The following NXPH1 variants were observed in gnomAD, a reference collection of about 807,000 sequenced individuals.
The protein encoded by NXPH1 is neurexophilin 1.
In NXPH1, 5 loss-of-function variants were observed where a neutral mutation model predicts 23.7. The observed-to-expected ratio is 0.21, with a 90% CI of 0.11 to 0.44. The LOEUF (loss-of-function observed/expected upper bound fraction) is 0.44. Among genes scored for constraint, NXPH1 ranks in the 20% least tolerant of loss-of-function variants. The pLI, the probability that NXPH1 is intolerant of heterozygous loss-of-function variation, is 0.99. For missense variants in NXPH1, 324 were observed against 321.6 expected (o/e 1.01, Z -0.06); for synonymous variants, 144 against 122.2 (o/e 1.18, Z -1.18).
intron 2 of NXPH1, among the ~76,000 whole-genome samples, chr7:8,695,602 A>C (rs1433394669): frequency 1.3e-5 from 2 of 152,126 alleles, no homozygotes; most frequent in African/African-American, 4.8e-5. Flanking sequence ...GATATGAACC[A>C]TTTCAGCCTT....
intron 2 of NXPH1, among the ~76,000 whole-genome samples, chr7:8,551,124 T>C (rs10277720): frequency 0.029 from 4,395 of 151,582 alleles, 185 homozygotes; most frequent in African/African-American, 0.099. Flanking sequence ...GTCTGTCTCA[T>C]GAGATCCTCA....
intron 2 of NXPH1, among the ~76,000 whole-genome samples, chr7:8,466,645 G>A (rs1238069357): frequency 1.3e-5 from 2 of 152,104 alleles, no homozygotes; most frequent in Non-Finnish European, 2.9e-5. Flanking sequence ...ATGGTGTGGG[G>A]AAAATCCTTT....
chr7:8,709,669 A>G (rs539475134), intron 2 of NXPH1, among the ~76,000 whole-genome samples: 2 of 152,352 alleles, frequency 1.3e-5, no homozygotes, highest in African/African-American at 4.8e-5. Context: ...CTAAATCAGA[A>G]CATTCACTTC....
In NXPH1 at chr7:8,750,993, C is replaced by G; in HGVS notation, c.55-15C>G. On this transcript the variant is annotated splice_polypyrimidine_tract_variant and intron_variant, in intron 2 of 2. Transcript: ENST00000405863. ...ATGCAGAGATGTAAATGCCATTTTT[C>G]TCTTCTGTTTTCAGGTCACATGTGC... The G allele has an allele frequency of 6.2e-7, 1 of 1,610,616 alleles. No individual in the cohort carries two copies. The highest frequency in any genetic ancestry group is 8.5e-7 in the Non-Finnish European group (1 of 1,177,688).
intron 2 of NXPH1, among the ~76,000 whole-genome samples, chr7:8,567,727 G>A (rs1463152341): frequency 6.6e-6 from 1 of 151,870 alleles, no homozygotes; most frequent in African/African-American, 2.4e-5. Context: ...TCTGAGGTTA[G>A]TTTCCTGCTA....
At chr7:8,540,148 A>G (rs1017692433) in intron 2 of NXPH1, among the ~76,000 whole-genome samples, 9 of 151,960 alleles carry the variant, frequency 5.9e-5, no homozygotes, top group Admixed American at 3.3e-4. Flanking sequence ...GGGAAGATCA[A>G]TGACAATCAC....
intron 2 of NXPH1, among the ~76,000 whole-genome samples, chr7:8,635,680 T>G: frequency 6.6e-6 from 1 of 152,172 alleles, no homozygotes; most frequent in Non-Finnish European, 1.5e-5. Flanking sequence ...TAAAAAGAAA[T>G]GTAATAACAG....
chr7:8,538,412 C>T (rs779867772), intron 2 of NXPH1, among the ~76,000 whole-genome samples: 7 of 151,774 alleles, frequency 4.6e-5, no homozygotes, highest in Non-Finnish European at 8.8e-5. Context: ...AGGATAAAAC[C>T]TGGGTTTCAA....
chr7:8,740,513 A>G (rs140107620), intron 2 of NXPH1, among the ~76,000 whole-genome samples: 1 of 152,318 alleles, frequency 6.6e-6, no homozygotes, highest in East Asian at 1.9e-4. Flanking sequence ...CAGGATTTGC[A>G]TTTAGACCTA....
intron 2 of NXPH1, among the ~76,000 whole-genome samples, chr7:8,736,452 T>A (rs1033033014): frequency 5.9e-5 from 9 of 152,256 alleles, no homozygotes; most frequent in Non-Finnish European, 1.2e-4. Context: ...AATGAGTTTC[T>A]TAATCTTGAG....
intron 2 of NXPH1, among the ~76,000 whole-genome samples, chr7:8,566,929 T>G (rs533380313): frequency 1.3e-3 from 190 of 151,942 alleles, no homozygotes; most frequent in African/African-American, 4.2e-3. Flanking sequence ...GAAATCATCA[T>G]TTACTCAAAT....
At chr7:8,455,120 C>G (rs898456211) in intron 2 of NXPH1, among the ~76,000 whole-genome samples, 1 of 151,976 alleles carries the variant, frequency 6.6e-6, no homozygotes, top group East Asian at 1.9e-4. Flanking sequence ...AATCGTATGC[C>G]ACGCCATTAT....
chr7:8,717,844 A>C (rs1779901357), intron 2 of NXPH1, among the ~76,000 whole-genome samples: 1 of 151,786 alleles, frequency 6.6e-6, no homozygotes, highest in South Asian at 2.1e-4. Context: ...AATAAATATT[A>C]AACTTTAAAA....
intron 2 of NXPH1, among the ~76,000 whole-genome samples, chr7:8,451,543 C>A (rs1275055302): frequency 6.6e-6 from 1 of 152,180 alleles, no homozygotes; most frequent in African/African-American, 2.4e-5. Flanking sequence ...ATTGAGACTG[C>A]TCTTTTTCAA....
At chr7:8,726,935 A>G (rs1213933501) in intron 2 of NXPH1, among the ~76,000 whole-genome samples, 1 of 150,870 alleles carries the variant, frequency 6.6e-6, no homozygotes, top group Non-Finnish European at 1.5e-5. Context: ...TGGTTGAACT[A>G]GTTTACAGTC....
intron 2 of NXPH1, among the ~76,000 whole-genome samples, chr7:8,621,712 C>G (rs1309468791): frequency 6.6e-6 from 1 of 152,138 alleles, no homozygotes; most frequent in Non-Finnish European, 1.5e-5. Context: ...TCTCAAACTC[C>G]TGACCTCAGG....
chr7:8,474,795 C>T (rs542036661), intron 2 of NXPH1, among the ~76,000 whole-genome samples: 162 of 152,176 alleles, frequency 1.1e-3, no homozygotes, highest in Middle Eastern at 3.4e-3. Context: ...CTTTTATACC[C>T]CTCTCTCCAT....
intron 2 of NXPH1, among the ~76,000 whole-genome samples, chr7:8,646,447 A>G (rs1820401551): frequency 6.6e-6 from 1 of 152,050 alleles, no homozygotes; most frequent in African/African-American, 2.4e-5. Context: ...ATCTTGATTC[A>G]CTTTATTTTG....
chr7:8,548,637 T>C (rs190336154), intron 2 of NXPH1, among the ~76,000 whole-genome samples: 1 of 151,664 alleles, frequency 6.6e-6, no homozygotes, highest in Non-Finnish European at 1.5e-5. Context: ...CTAAAGTTAG[T>C]ATTATACAGG....
Sources: allele counts gnomAD v4.1 joint callset (sites outside exome capture counted in the v4.1 genomes callset), GRCh38; gene constraint gnomAD v4.1.1; transcripts MANE v1.5; gene names NCBI Gene and HGNC (gene_info 2026-07-23, HGNC 2026-07-21).